DCLK1: variants seen among roughly 807,000 people sequenced by gnomAD.
The protein encoded by DCLK1 is doublecortin like kinase 1.
Under a neutral mutation model 86.2 loss-of-function variants are expected in DCLK1, and 16 were observed. The ratio of observed to expected loss-of-function variants is 0.19; its 90% confidence interval spans 0.13 to 0.28. The LOEUF (loss-of-function observed/expected upper bound fraction) is 0.28. Among genes scored for constraint, DCLK1 ranks in the 10% least tolerant of loss-of-function variants. The pLI is 1.00. For missense variants in DCLK1, 590 were observed against 940.2 expected (o/e 0.63, Z 4.87); for synonymous variants, 369 against 370.5 (o/e 1.00, Z 0.05).
At chr13:36,040,410 A>G (rs1169780865) in intron 3 of DCLK1, among the ~76,000 whole-genome samples, 1 of 144,554 alleles carries the variant, frequency 6.9e-6, no homozygotes, top group Non-Finnish European at 1.5e-5. Context: ...TCAAACTGTC[A>G]AGGTTTTCCT....
At chr13:35,810,336 C>T (rs1367639563) in intron 12 of DCLK1, among the ~76,000 whole-genome samples, 5 of 152,182 alleles carry the variant, frequency 3.3e-5, no homozygotes, top group Admixed American at 1.3e-4. Context: ...ATTCTGCACA[C>T]AGAAACCAGG....
chr13:35,772,741 T>G lies in DCLK1; in HGVS notation c.*1794A>C, dbSNP rs1420091295. The G allele has an allele frequency of 6.6e-6, 1 of 152,124 alleles. No homozygotes were observed. Among genetic ancestry groups the G allele is most frequent in the Non-Finnish European group, 1.5e-5 (1 of 68,032 alleles). 9.4% of individuals were successfully genotyped at this position (152,124 alleles called of 1,614,324 possible). On this transcript the variant is annotated 3_prime_UTR_variant, in exon 17 of 17. Transcript: ENST00000360631. ...ACAACACAGACCACAGAGATGAACC[T>G]AAATGTAAAAGAGCAAAAAATTTTG...
chr13:35,828,447 TAA>T (rs964301137), intron 8 of DCLK1, 140 bp from the exon 9 acceptor site: 40 of 689,180 alleles, frequency 5.8e-5, no homozygotes, highest in South Asian at 1.7e-4. Flanking sequence ...TTTCCTTTTT[TAA>T]AAAAAAACAA....
chr13:36,000,786 G>T (rs1032021197), intron 3 of DCLK1, among the ~76,000 whole-genome samples: 1 of 152,038 alleles, frequency 6.6e-6, no homozygotes, highest in East Asian at 1.9e-4. Flanking sequence ...GCAGGATCAC[G>T]TATTATCTGA....
chr13:36,057,323 A>G (rs771431367), intron 3 of DCLK1, among the ~76,000 whole-genome samples: 65 of 152,166 alleles, frequency 4.3e-4, no homozygotes, highest in Non-Finnish European at 3.4e-4. Context: ...CTTCACCCCA[A>G]TCTCTACTTT....
At chr13:35,977,392 G>C (rs1291666483) in intron 3 of DCLK1, among the ~76,000 whole-genome samples, 2 of 152,166 alleles carry the variant, frequency 1.3e-5, no homozygotes, top group African/African-American at 2.4e-5. Context: ...CAAATAAGTG[G>C]CCTGAGGGCA....
chr13:36,115,328 T>TAAAAAAAGC (rs10627322), intron 2 of DCLK1, among the ~76,000 whole-genome samples: 1 of 151,632 alleles, frequency 6.6e-6, no homozygotes, highest in South Asian at 2.1e-4. Flanking sequence ...GAATTTATCT[T>TAAAAAAAGC]AAACAAACAA....
intron 3 of DCLK1, among the ~76,000 whole-genome samples, chr13:35,963,392 A>T (rs1878561097): frequency 6.6e-6 from 1 of 152,132 alleles, no homozygotes; most frequent in Non-Finnish European, 1.5e-5. Context: ...ACTCTTATTG[A>T]ATGTTTTGGT....
At chr13:36,003,588 A>G (rs1377081119) in intron 3 of DCLK1, among the ~76,000 whole-genome samples, 1 of 152,232 alleles carries the variant, frequency 6.6e-6, no homozygotes, top group African/African-American at 2.4e-5. Flanking sequence ...TGGAAACAAC[A>G]TAAATAGGCA....
intron 4 of DCLK1, among the ~76,000 whole-genome samples, chr13:35,927,038 T>C (rs1368432983): frequency 6.6e-6 from 1 of 152,242 alleles, no homozygotes; most frequent in Non-Finnish European, 1.5e-5. Context: ...AACCTGCTAG[T>C]TGACTTTGGG....
intron 4 of DCLK1, among the ~76,000 whole-genome samples, chr13:35,932,464 T>C (rs899906085): frequency 3.3e-5 from 5 of 152,194 alleles, no homozygotes; most frequent in African/African-American, 1.2e-4. Flanking sequence ...TTGATAAAGA[T>C]ATACGTGAGA....
At chr13:36,126,807 A>G (rs761952337) in intron 1 of DCLK1, among the ~76,000 whole-genome samples, 6 of 152,212 alleles carry the variant, frequency 3.9e-5, no homozygotes, top group Non-Finnish European at 7.3e-5. Flanking sequence ...ATCAGGCTTC[A>G]AACAGATATT....
intron 3 of DCLK1, among the ~76,000 whole-genome samples, chr13:36,089,345 G>C (rs1390118717): frequency 6.6e-6 from 1 of 152,202 alleles, no homozygotes; most frequent in African/African-American, 2.4e-5. Context: ...CTGCTGGCCT[G>C]CTAGGCCTGA....
chr13:35,974,186 T>C (rs1223358369), intron 3 of DCLK1, among the ~76,000 whole-genome samples: 1 of 152,210 alleles, frequency 6.6e-6, no homozygotes, highest in Non-Finnish European at 1.5e-5. Context: ...CAGGCCTAAT[T>C]GAGCCCCCCT....
At chr13:35,953,890 T>C (rs1202367052) in intron 3 of DCLK1, among the ~76,000 whole-genome samples, 1 of 152,206 alleles carries the variant, frequency 6.6e-6, no homozygotes, top group African/African-American at 2.4e-5. Flanking sequence ...TGGATGCATT[T>C]GAAGCCACAG....
chr13:35,981,536 GCA>G (rs958758144), intron 3 of DCLK1, among the ~76,000 whole-genome samples: 10 of 152,024 alleles, frequency 6.6e-5, no homozygotes, highest in African/African-American at 2.4e-4. Context: ...ACTCTGTGTT[GCA>G]CATTCTATGA....
intron 6 of DCLK1, chr13:35,847,593 A>AAT: frequency 1.0e-6 from 1 of 954,156 alleles, no homozygotes; most frequent in Non-Finnish European, 1.2e-6. Flanking sequence ...AAGAAATCTG[A>AAT]CTTGCACACT....
chr13:36,022,298 C>A (rs540828616), intron 3 of DCLK1, among the ~76,000 whole-genome samples: 7 of 151,678 alleles, frequency 4.6e-5, no homozygotes, highest in Non-Finnish European at 1.0e-4. Flanking sequence ...GCTGTAAAAC[C>A]TTTACTTAAA....
intron 4 of DCLK1, among the ~76,000 whole-genome samples, chr13:35,902,908 T>A (rs1874462194): frequency 6.6e-6 from 1 of 152,166 alleles, no homozygotes; most frequent in Non-Finnish European, 1.5e-5. Context: ...CTGCTAGGAA[T>A]CTTTTTGCAA....
Sources: gnomAD v4.1 joint callset for allele counts (sites outside exome capture counted in the v4.1 genomes callset) on GRCh38, gnomAD v4.1.1 for gene constraint, MANE v1.5 for transcripts, NCBI Gene and HGNC (gene_info 2026-07-23, HGNC 2026-07-21) for gene names.